Variants in RAB10 observed in about 807,000 individuals in gnomAD.
RAB10 encodes ras-related protein Rab-10.
In RAB10, 5 loss-of-function variants were observed where a neutral mutation model predicts 25.7. The observed-to-expected ratio is 0.19, with a 90% CI of 0.10 to 0.41. The LOEUF (loss-of-function observed/expected upper bound fraction) is 0.41, where lower values mean the gene tolerates loss of function less well. Among genes scored for constraint, RAB10 ranks in the 10% least tolerant of loss-of-function variants. The probability of loss-of-function intolerance (pLI) is 1.00; values close to 1 mark genes in which losing one functional copy is unlikely to be tolerated. For missense variants in RAB10, 103 were observed against 245.8 expected, an observed-to-expected ratio of 0.42 and a Z score of 3.89; for synonymous variants, 89 against 86.4, an observed-to-expected ratio of 1.03 and a Z score of -0.16.
At chr2:26,074,210 C>T (rs958803831) in intron 1 of RAB10, among the ~76,000 whole-genome samples, 1 of 152,004 alleles carries the variant, frequency 6.6e-6, no homozygotes, top group Non-Finnish European at 1.5e-5. Context: ...AGAAAAGACC[C>T]TTACAAAGAG....
chr2:26,062,713 GA>G (rs894394391), intron 1 of RAB10, among the ~76,000 whole-genome samples: 6 of 144,284 alleles, frequency 4.2e-5, no homozygotes, highest in African/African-American at 1.5e-4. Context: ...TAAAGGAAAG[GA>G]AAAAAACCCT....
chr2:26,128,775 T>C (rs12104760), intron 5 of RAB10, among the ~76,000 whole-genome samples: 149,244 of 152,246 alleles, frequency 0.98, 73,168 homozygotes, highest in African/African-American at 0.99. Flanking sequence ...TTGGGGAATT[T>C]ATATTTTACC....
chr2:26,035,809 A>T (rs1665752366), intron 1 of RAB10, among the ~76,000 whole-genome samples: 1 of 152,204 alleles, frequency 6.6e-6, no homozygotes, highest in Non-Finnish European at 1.5e-5. Context: ...AATTAAGCTG[A>T]TTTGAAACAG....
intron 1 of RAB10, among the ~76,000 whole-genome samples, chr2:26,056,972 T>C (rs1055704695): frequency 2.0e-5 from 3 of 152,194 alleles, no homozygotes; most frequent in African/African-American, 7.2e-5. Context: ...GACAATAAGC[T>C]TGTACTTTGC....
chr2:26,038,733 A>G (rs2149260242), intron 1 of RAB10, among the ~76,000 whole-genome samples: 1 of 151,322 alleles, frequency 6.6e-6, no homozygotes, highest in East Asian at 2.0e-4. Context: ...CCATCCTGCC[A>G]AACATGGTGA....
Position 26,042,344 on chromosome 2 carries a change from T to C in RAB10, c.127+7609T>C, listed in dbSNP as rs564217133. Among the ~76,000 whole-genome samples the C allele has an allele frequency of 3.3e-5, 5 of 152,128 alleles. No individual in the cohort carries two copies. The South Asian group carries it at 1.0e-3, about 32-fold the overall frequency. On this transcript the variant is annotated intron_variant, in intron 1 of 5. Transcript: ENST00000264710. ...GTTCCACTAACCTGCATTTAAGAAA[T>C]GATTGATTAGGCTGGGTGCTGTGGC... is the stretch of plus-strand genomic sequence containing the variant.
rs58007291 is a variant in RAB10 at position 26,129,268 on chromosome 2, CAAAAAAAAAAA to C, written c.519+1336_519+1346del. On this transcript the variant is annotated intron_variant, in intron 5 of 5. Transcript: ENST00000264710. ...TTGGGGACAGACCAAGACTCCATCT[CAAAAAAAAAAA>C]AAAAAAAAAAAAAAAAAATCTGACA... 8.9e-4 allele frequency among the ~76,000 whole-genome samples: 119 copies of C among 133,508 alleles called. 1 individual carries two copies. The highest frequency in any genetic ancestry group is 7.8e-4 in the Non-Finnish European group (49 of 62,614). 87.6% of individuals were successfully genotyped at this position (133,508 alleles called of 152,430 possible).
chr2:26,135,320 A>G lies in RAB10; in HGVS notation c.*299A>G. The G allele has an allele frequency of 3.9e-6, 1 of 254,602 alleles. No individual in the cohort carries two copies. Among genetic ancestry groups the G allele is most frequent in the Non-Finnish European group, 7.4e-6 (1 of 134,578 alleles). 15.8% of individuals were successfully genotyped at this position (254,602 alleles called of 1,614,324 possible). ...CCAGTTCTTATCAACATTAAAACCT[A>G]TAGCAATCATTTCAAATCTATTCTG... On this transcript the variant is annotated 3_prime_UTR_variant, in exon 6 of 6. Coordinates refer to ENST00000264710, the MANE Select transcript of RAB10 (RefSeq NM_016131.5).
intron 3 of RAB10, among the ~76,000 whole-genome samples, chr2:26,112,894 G>T: frequency 6.6e-6 from 1 of 151,606 alleles, no homozygotes; most frequent in African/African-American, 2.4e-5. Flanking sequence ...CAGTCTGGTC[G>T]ACATGGTGAA....
intron 5 of RAB10, 59 bp from the exon 6 acceptor site, chr2:26,134,879 G>T (rs2243834): frequency 0.78 from 1,058,410 of 1,351,622 alleles, 415,537 homozygotes; most frequent in East Asian, 0.89. Context: ...CTGTTGAATC[G>T]TGATTTTATC....
rs1340233868 is a variant in RAB10 at position 26,124,275 on chromosome 2, A to G, written c.328-2869A>G. Among the ~76,000 whole-genome samples, 4 of 151,598 alleles carry G rather than the reference A, an allele frequency of 2.6e-5. No homozygotes were observed. The East Asian group carries it at 7.7e-4, about 29-fold the overall frequency. ...AAGGGTCAACTGTATGTTGTTTTAA[A>G]TCAGCATATTTTATAACTTTCCTAG... is the stretch of plus-strand genomic sequence containing the variant. On this transcript the variant is annotated intron_variant, in intron 3 of 5. Transcript: ENST00000264710.
At chr2:26,051,389 A>G (rs1666130221) in intron 1 of RAB10, among the ~76,000 whole-genome samples, 1 of 84,074 alleles carries the variant, frequency 1.2e-5, no homozygotes, top group African/African-American at 5.2e-5. Flanking sequence ...GTTTTATTGT[A>G]AATTTTTTTT....
Position 26,034,337 on chromosome 2 carries a change from G to T in RAB10, c.-272G>T. 1 of 570,806 alleles carries T rather than the reference G, an allele frequency of 1.8e-6. No individual in the cohort carries two copies. The highest frequency in any genetic ancestry group is 3.1e-6 in the Non-Finnish European group (1 of 320,148). The allele number at this position is 570,806 out of a possible 1,614,324, so 35.4% of individuals were successfully genotyped here. On this transcript the variant is annotated 5_prime_UTR_variant, in exon 1 of 6. Coordinates refer to ENST00000264710, the MANE Select transcript of RAB10 (RefSeq NM_016131.5). ...CGGCCGAGAAGCCCTGAGGGGGGAG[G>T]GGAGGCCATTTTGTCCCGACCGACT...
At chr2:26,082,226 T>G (rs1298825056) in intron 1 of RAB10, among the ~76,000 whole-genome samples, 2 of 152,080 alleles carry the variant, frequency 1.3e-5, no homozygotes, top group Non-Finnish European at 2.9e-5. Context: ...TTCTGTAAGG[T>G]TCTTATATTA....
chr2:26,070,537 A>G (rs1325801358), intron 1 of RAB10, among the ~76,000 whole-genome samples: 1 of 152,206 alleles, frequency 6.6e-6, no homozygotes, highest in East Asian at 1.9e-4. Context: ...AACCTTGTAC[A>G]ATATTATGAA....
At chr2:26,121,185 T>C (rs1482777473) in intron 3 of RAB10, among the ~76,000 whole-genome samples, 1 of 152,222 alleles carries the variant, frequency 6.6e-6, no homozygotes, top group Non-Finnish European at 1.5e-5. Context: ...GTGCTGGCTT[T>C]ACAGGCGTGA....
chr2:26,094,961 G>C (rs995337728), intron 1 of RAB10, among the ~76,000 whole-genome samples: 1 of 152,188 alleles, frequency 6.6e-6, no homozygotes, highest in East Asian at 1.9e-4. Context: ...TTTATGTGGC[G>C]TTTAATGTTT....
chr2:26,069,652 C>A (rs145017865), intron 1 of RAB10, among the ~76,000 whole-genome samples: 1 of 151,496 alleles, frequency 6.6e-6, no homozygotes, highest in African/African-American at 2.4e-5. Flanking sequence ...GGCGGCAGAG[C>A]GAGACTCTGC....
chr2:26,108,058 G>A (rs1228890370), intron 2 of RAB10, among the ~76,000 whole-genome samples: 6 of 152,202 alleles, frequency 3.9e-5, no homozygotes, highest in Non-Finnish European at 8.8e-5. Flanking sequence ...TATGTTGCTA[G>A]TGCAAATGTC....
Sources: gnomAD v4.1 joint callset for allele counts (sites outside exome capture counted in the v4.1 genomes callset) on GRCh38, gnomAD v4.1.1 for gene constraint, MANE v1.5 for transcripts, NCBI Gene and HGNC (gene_info 2026-07-23, HGNC 2026-07-21) for gene names.